The following COL17A1 variants were observed in gnomAD, a reference collection of about 807,000 sequenced individuals.
The protein encoded by COL17A1 is collagen alpha-1(XVII) chain.
Under a neutral mutation model 218.4 loss-of-function variants are expected in COL17A1, and 181 were observed. The observed-to-expected ratio is 0.83, with a 90% confidence interval of 0.73 to 0.94. The LOEUF (loss-of-function observed/expected upper bound fraction) is 0.94, where lower values mean the gene tolerates loss of function less well. Among genes scored for constraint, COL17A1 ranks in the 40% least tolerant of loss-of-function variants. The pLI, the probability that COL17A1 is intolerant of heterozygous loss-of-function variation, is 0.00. For synonymous variants in COL17A1, 721 were observed against 731.0 expected, an observed-to-expected ratio of 0.99 and a Z score of 0.22; for missense variants, 1,924 against 1,945.9, an observed-to-expected ratio of 0.99 and a Z score of 0.21.
chr10:104,070,772 C>T (rs1209302578), intron 8 of COL17A1, among the ~76,000 whole-genome samples: 1 of 152,176 alleles, frequency 6.6e-6, no homozygotes, highest in Non-Finnish European at 1.5e-5. Flanking sequence ...TCATATTAGC[C>T]TCAAAAATCT....
In COL17A1 at chr10:104,056,960, G is replaced by A. The variant is rs1179410614; in HGVS notation, c.1465+15C>T. On this transcript the variant is annotated intron_variant, in intron 17 of 55. Transcript: ENST00000648076. ...CTCCTACCACACAGGCTGCCCTGCTGCCTTTGCCACGTACCCAGAGCAATG... is the reference window on the plus strand; with the variant it reads ...CTCCTACCACACAGGCTGCCCTGCTACCTTTGCCACGTACCCAGAGCAATG... 3.8e-6 allele frequency: 6 copies of A among 1,560,230 alleles called. No homozygotes were observed. In the African/African-American group the frequency reaches 8.2e-5, roughly 21 times the overall value.
intron 41 of COL17A1, 132 bp downstream of exon 41, chr10:104,039,841 C>G (rs11191905): frequency 7.4e-7 from 1 of 1,353,612 alleles, no homozygotes; most frequent in Non-Finnish European, 1.1e-6. Flanking sequence ...TCAACCATTC[C>G]TAGAGAAACA....
rs2086271331 is a variant in COL17A1 at position 104,035,515 on chromosome 10, A to T, written c.3467T>A (p.Leu1156Ter). The stretch of plus-strand genomic sequence containing the variant: ...GAGCTCCTCATAGGAGGTTCCCGGC[A>T]AGCCAGGGGGCCCCGGGGGACCAGG... Reference protein sequence around the residue: ...GLPGPPGPPGLPGTSYEELLS... With the variant: ...GLPGPPGPPG The change falls in exon 49 of 56, where the codon TTG becomes TAG. Residue 1156 changes from leucine to a stop codon, truncating the protein, a stop_gained. Coordinates refer to ENST00000648076, the MANE Select transcript of COL17A1 (RefSeq NM_000494.4). LOFTEE classifies it high-confidence loss of function. 6.2e-7 allele frequency: 1 copy of T among 1,613,958 alleles called. No individual in the cohort carries two copies. Among genetic ancestry groups the T allele is most frequent in the African/African-American group, 1.3e-5 (1 of 74,918 alleles).
In COL17A1 at chr10:104,034,655, G is replaced by A; in HGVS notation, c.3732C>T (p.Asp1244=). 6.2e-7 allele frequency: 1 copy of A among 1,610,428 alleles called. No individual in the cohort carries two copies. Residue 1244 remains aspartate, a synonymous_variant, in exon 51 of 56, where the codon GAC becomes GAT. Transcript: ENST00000648076. ...ALATYAAENS[D]SFRSELISYL... is the part of the protein sequence containing the mutation. ...AGCTGATCAGCTCGCTCCGGAAGCT[G>A]TCGCTGTTTTCAGCTGCATAGGTTG...
intron 3 of COL17A1, 25 bp downstream of exon 3, chr10:104,078,517 G>T (rs2086731594): frequency 1.9e-6 from 3 of 1,613,998 alleles, no homozygotes; most frequent in African/African-American, 2.7e-5. Flanking sequence ...CTACTGAAAA[G>T]AAAGCTATTG....
intron 33 of COL17A1, among the ~76,000 whole-genome samples, chr10:104,045,122 C>A (rs2086395781): frequency 6.6e-6 from 1 of 152,118 alleles, no homozygotes; most frequent in African/African-American, 2.4e-5. Flanking sequence ...GGTCCCTGAA[C>A]TTGCTCGGGG....
At position 104,037,026 on chromosome 10, in the gene COL17A1, C is replaced by T. The variant is rs1344381781; in HGVS notation, c.3277+19G>A. 3 of 1,594,626 alleles carry T rather than the reference C, an allele frequency of 1.9e-6. No homozygotes were observed. The highest frequency in any genetic ancestry group is 2.7e-5 in the African/African-American group (2 of 74,652). The stretch of plus-strand genomic sequence containing the variant: ...AAGCAAAGATAGTCCCACCCTCGAT[C>T]CCCCCACAGGTGACTCACGCTGCAG... On this transcript the variant is annotated intron_variant, in intron 47 of 55. Transcript: ENST00000648076.
chr10:104,037,233 G>A (rs1035592353), intron 46 of COL17A1, 120 bp from the exon 47 acceptor site: 91 of 858,514 alleles, frequency 1.1e-4, no homozygotes, highest in Middle Eastern at 4.3e-4. Context: ...GTGGATGAAT[G>A]GAGTATTACG....
At chr10:104,055,091 C>T in intron 19 of COL17A1, 84 bp from the exon 20 acceptor site, 1 of 1,599,114 alleles carries the variant, frequency 6.3e-7, no homozygotes, top group Non-Finnish European at 8.5e-7. Flanking sequence ...AACCATTTGA[C>T]AAGATGTAAA....
chr10:104,035,943 TG>T (rs1425720619), intron 48 of COL17A1, among the ~76,000 whole-genome samples: 46 of 148,846 alleles, frequency 3.1e-4, no homozygotes, highest in Non-Finnish European at 2.7e-4. Flanking sequence ...TGGGAGTGTA[TG>T]GGAGTGTGAG....
chr10:104,045,227 C>T (rs2086397124), intron 33 of COL17A1, among the ~76,000 whole-genome samples: 1 of 152,166 alleles, frequency 6.6e-6, no homozygotes, highest in Non-Finnish European at 1.5e-5. Flanking sequence ...GAGCTCCCCT[C>T]TGAGTACCCG....
In COL17A1 at chr10:104,050,622, T is replaced by C; in HGVS notation, c.2127A>G (p.Lys709=). ...ACAGAGCAGCAGTGAGTGGCATACC[T>C]TTGGGTCCTGGTGGTCCCATTGGTC... ...DKGPMGPPGP[K]GDQGEKGPRG... is the part of the protein sequence containing the mutation. The change falls in exon 27 of 56, where the codon AAA becomes AAG. Residue 709 remains lysine (K), a splice_region_variant and synonymous_variant. Transcript: ENST00000648076. 1.9e-6 allele frequency: 3 copies of C among 1,613,188 alleles called. No individual in the cohort carries two copies. Among genetic ancestry groups the C allele is most frequent in the Middle Eastern group, 3.8e-4 (2 of 5,330 alleles).
At chr10:104,052,492 C>T (rs1682969100) in intron 23 of COL17A1, among the ~76,000 whole-genome samples, 1 of 152,192 alleles carries the variant, frequency 6.6e-6, no homozygotes, top group Non-Finnish European at 1.5e-5. Flanking sequence ...AATAAAGCTT[C>T]CTGCTCACAG....
intron 19 of COL17A1, 125 bp downstream of exon 19, chr10:104,055,247 C>T (rs575056552): frequency 2.1e-4 from 326 of 1,533,878 alleles, no homozygotes; most frequent in Non-Finnish European, 2.9e-4. Context: ...CCAACAGATA[C>T]CATAAGATCA....
At position 104,042,120 on chromosome 10, in the gene COL17A1, C is replaced by T. The variant is rs1395541568; in HGVS notation, c.2551+300G>A. 2.6e-5 allele frequency among the ~76,000 whole-genome samples: 4 copies of T among 152,300 alleles called. No individual in the cohort carries two copies. The South Asian group carries it at 6.2e-4, about 24-fold the overall frequency. On this transcript the variant is annotated intron_variant, in intron 36 of 55. Coordinates refer to ENST00000648076, the MANE Select transcript of COL17A1 (RefSeq NM_000494.4). ...AGTGAGTCCTCTCAGCCTGGGCCTG[C>T]AGCCGAGAACCCACAGACGGTTGTC...
At position 104,037,638 on chromosome 10, in the gene COL17A1, C is replaced by A. The variant is rs147631156; in HGVS notation, c.3206G>T (p.Arg1069Leu). ...GCAGGGCGTGGGGAAGGGCTTACTC[C>A]GTAAGTAGCTCACAACGTGGCTTGC... Reference protein sequence around the residue: ...ELASHVVSYLRTSGYGVSLFS... With the variant: ...ELASHVVSYLLTSGYGVSLFS... Residue 1069 changes from arginine to leucine, a missense_variant and splice_region_variant, in exon 46 of 56, where the codon CGG (arginine) becomes CTG (leucine). Arg to Leu is a moderately radical substitution (Grantham distance 102). Transcript: ENST00000648076. 3 of 1,614,116 alleles carry A rather than the reference C, an allele frequency of 1.9e-6. No individual in the cohort carries two copies. Among genetic ancestry groups the A allele is most frequent in the Admixed American group, 3.3e-5 (2 of 60,030 alleles).
In COL17A1 at chr10:104,053,097, G is replaced by A. The variant is rs747301994; in HGVS notation, c.1873C>T (p.Arg625Ter). 8 of 1,613,606 alleles carry A rather than the reference G, an allele frequency of 5.0e-6. No individual in the cohort carries two copies. The highest frequency in any genetic ancestry group is 1.3e-5 in the African/African-American group (1 of 74,992). ...CCACGAGGTCCCATGGGGCCTTCTC[G>A]CCCTCTCTGGCCCATGGGGCCTTCC... The part of the protein sequence containing the change: ...GMEGPMGQRG[R>*]EGPMGPRGEA... The change falls in exon 23 of 56, where the codon CGA (arginine) becomes TGA (stop). Residue 625 changes from arginine to a stop codon, truncating the protein, a stop_gained. Coordinates refer to ENST00000648076, the MANE Select transcript of COL17A1 (RefSeq NM_000494.4). LOFTEE classifies it high-confidence loss of function.
intron 2 of COL17A1, among the ~76,000 whole-genome samples, 194 bp from the exon 3 acceptor site, chr10:104,078,780 T>C (rs770926616): frequency 7.9e-5 from 12 of 152,228 alleles, no homozygotes; most frequent in African/African-American, 1.7e-4. Flanking sequence ...GGGTTTCATA[T>C]GCTTGGAAAA....
At chr10:104,033,117 A>G (rs1014242739) in intron 53 of COL17A1, 121 bp downstream of exon 53, 217 of 1,522,022 alleles carry the variant, frequency 1.4e-4, no homozygotes, top group Non-Finnish European at 1.9e-4. Context: ...GAATTTGTCT[A>G]ATTTTGAGCA....
Sources: allele counts gnomAD v4.1 joint callset (sites outside exome capture counted in the v4.1 genomes callset), GRCh38; gene constraint gnomAD v4.1.1; transcripts MANE v1.5; gene names NCBI Gene and HGNC (gene_info 2026-07-23, HGNC 2026-07-21).